The following DHX34 variants were observed in gnomAD, a reference collection of about 807,000 sequenced individuals.
DHX34 encodes DExH-box helicase 34.
DHX34 carries 96 observed loss-of-function variants against 111.1 expected under a neutral mutation model. That is an observed-to-expected ratio of 0.86 (90% CI 0.73 to 1.02). The LOEUF (loss-of-function observed/expected upper bound fraction) is 1.02, where lower values mean the gene tolerates loss of function less well. Ranked by LOEUF, DHX34 falls within the 50% of genes least tolerant of loss-of-function variation. The probability of loss-of-function intolerance (pLI) is 0.00; values close to 1 mark genes in which losing one functional copy is unlikely to be tolerated. For synonymous variants in DHX34, 688 were observed against 670.4 expected, an observed-to-expected ratio of 1.03 and a Z score of -0.41; for missense variants, 1,560 against 1,579.9, an observed-to-expected ratio of 0.99 and a Z score of 0.21.
intron 7 of DHX34, among the ~76,000 whole-genome samples, chr19:47,369,667 A>C (rs929276958): frequency 4.6e-5 from 7 of 152,146 alleles, no homozygotes; most frequent in Admixed American, 2.0e-4. Flanking sequence ...GAGCAGTGTT[A>C]ATTGGCTGTC....
chr19:47,380,941 C>T lies in DHX34; in HGVS notation c.3108C>T (p.Pro1036=), dbSNP rs755393982. 1.9e-6 allele frequency: 3 copies of T among 1,606,792 alleles called. No individual in the cohort carries two copies. The highest frequency in any genetic ancestry group is 2.2e-5 in the South Asian group (2 of 90,258). Residue 1036 remains proline, a synonymous_variant, in exon 15 of 17, where the codon CCC becomes CCT. Coordinates refer to ENST00000328771, the MANE Select transcript of DHX34 (RefSeq NM_014681.6). ...LFGSSTLSPH[P]TKGGYAVTDF... ...GCAGCTCCACCCTGTCCCCCCACCC[C>T]ACAAAGGGGGGCTACGCAGTCACTG...
intron 7 of DHX34, among the ~76,000 whole-genome samples, chr19:47,368,639 TAC>T (rs533434183): frequency 0.024 from 3,444 of 145,344 alleles, 85 homozygotes; most frequent in Admixed American, 0.079. Flanking sequence ...TGTATATATA[TAC>T]ACACACACAC....
At chr19:47,381,766 T>G (rs565445714) in intron 16 of DHX34, 5 of 801,382 alleles carry the variant, frequency 6.2e-6, no homozygotes, top group East Asian at 1.3e-4. Context: ...TCTCTCCTTG[T>G]GTCTTTCTCT....
chr19:47,369,659 G>A (rs1392614757), intron 7 of DHX34, among the ~76,000 whole-genome samples: 1 of 152,296 alleles, frequency 6.6e-6, no homozygotes, highest in Non-Finnish European at 1.5e-5. Context: ...GGGGCTGGGA[G>A]CAGTGTTAAT....
At chr19:47,365,258 T>G (rs1214072428) in intron 6 of DHX34, among the ~76,000 whole-genome samples, 1 of 151,662 alleles carries the variant, frequency 6.6e-6, no homozygotes, top group African/African-American at 2.4e-5. Flanking sequence ...ATTTATTTAT[T>G]TATTTATTTT....
intron 3 of DHX34, 24 bp from the exon 4 acceptor site, chr19:47,357,841 TC>T (rs769046890): frequency 1.9e-6 from 3 of 1,601,208 alleles, no homozygotes; most frequent in Non-Finnish European, 1.7e-6. Context: ...AGGGTGTGCT[TC>T]TACCTGGGGC....
rs1970169075 is a variant in DHX34, at chr19:47,376,557, C to CG, written c.2597dup (p.Asp867ArgfsTer42). 1 of 1,558,108 alleles carries CG rather than the reference C, an allele frequency of 6.4e-7. No individual in the cohort carries two copies. Among genetic ancestry groups the CG allele is most frequent in the Non-Finnish European group, 8.7e-7 (1 of 1,151,802 alleles). ...GGAGGCCAGCAACTGCGACGGAAGC[C>CG]GAGGTACAGTGAGCCCAGGCGGAAG... On this transcript the variant is annotated frameshift_variant, in exon 12 of 17. Transcript: ENST00000328771. LOFTEE classifies it high-confidence loss of function.
At chr19:47,375,302 G>GCT (rs1030371347) in intron 9 of DHX34, 164 bp from the exon 10 acceptor site, 34 of 985,342 alleles carry the variant, frequency 3.5e-5, no homozygotes, top group Non-Finnish European at 3.9e-5. Flanking sequence ...AGCGAGGACA[G>GCT]CTCTCTCTCT....
chr19:47,373,776 C>T, intron 9 of DHX34, 76 bp downstream of exon 9: 1 of 1,529,004 alleles, frequency 6.5e-7, no homozygotes, highest in Non-Finnish European at 8.8e-7. Flanking sequence ...ACACTGCTTC[C>T]CCTTCCCAGA....
intron 13 of DHX34, among the ~76,000 whole-genome samples, chr19:47,378,458 G>A (rs1175049658): frequency 2.0e-5 from 3 of 152,172 alleles, no homozygotes; most frequent in African/African-American, 7.2e-5. Context: ...CGCAGGCCGA[G>A]GGACAGAGGA....
chr19:47,358,617 A>T (rs773670320), intron 4 of DHX34, among the ~76,000 whole-genome samples: 1 of 146,288 alleles, frequency 6.8e-6, no homozygotes, highest in Non-Finnish European at 1.5e-5. Flanking sequence ...AACTCCATTA[A>T]TTTTTTTTTC....
intron 1 of DHX34, among the ~76,000 whole-genome samples, chr19:47,351,974 G>T (rs1041489851): frequency 6.6e-6 from 1 of 152,176 alleles, no homozygotes; most frequent in African/African-American, 2.4e-5. Context: ...GCAAAATTTT[G>T]CCTTTTATCT....
Position 47,375,561 on chromosome 19 carries a change from C to T in DHX34, c.2160C>T (p.Ala720=), listed in dbSNP as rs1441622199. Residue 720 remains alanine, a synonymous_variant, in exon 10 of 17, where the codon GCC becomes GCT. Coordinates refer to ENST00000328771, the MANE Select transcript of DHX34 (RefSeq NM_014681.6). ...SRLQQRRERR[A]LHQLKRQHEE... ...TGCAGCAGCGCCGGGAGCGCCGGGC[C>T]CTGCACCAGCTGAAACGCCAGCACG... 4 of 1,548,584 alleles carry T rather than the reference C, an allele frequency of 2.6e-6. No individual in the cohort carries two copies. The highest frequency in any genetic ancestry group is 3.5e-6 in the Non-Finnish European group (4 of 1,151,554).
In DHX34 at chr19:47,380,979, A is replaced by G. The variant is rs199815627; in HGVS notation, c.3146A>G (p.Tyr1049Cys). ...TACGCAGTCACTGACTTCCTCACCT[A>G]CAACTGCCTCACGGTAAGCATGAAC... ...GGYAVTDFLT[Y>C]NCLTNDTDLY... The change falls in exon 15 of 17, where the codon TAC (tyrosine) becomes TGC (cysteine). Residue 1049 changes from tyrosine (Y) to cysteine (C), a missense_variant. Transcript: ENST00000328771. 1 of 1,580,982 alleles carries G rather than the reference A, an allele frequency of 6.3e-7. No individual in the cohort carries two copies.
Position 47,353,780 on chromosome 19 carries a change from G to T in DHX34, c.705+45G>T. On this transcript the variant is annotated intron_variant, in intron 2 of 16. Coordinates refer to ENST00000328771, the MANE Select transcript of DHX34 (RefSeq NM_014681.6). The surrounding 1 kb of genome is among the most constrained non-coding windows in gnomAD (Gnocchi z 4.6). ...TTTCCGATTTTTCCAGCGTGACCTT[G>T]GGGGAATAGGTTGCTTGTCCATATG... 1 of 1,469,890 alleles carries T rather than the reference G, an allele frequency of 6.8e-7. No individual in the cohort carries two copies. 91.1% of individuals were successfully genotyped at this position (1,469,890 alleles called of 1,614,324 possible). A position where few individuals can be genotyped will look rare whatever the true frequency, so the allele number is the denominator to read the frequency against.
In DHX34 at chr19:47,367,118, G is replaced by A. The variant is rs762494736; in HGVS notation, c.1731G>A (p.Gly577=). ...LDSSEALTPI[G]SLLAQLPVDV... The stretch of plus-strand genomic sequence containing the variant: ...GCTCAGAGGCCCTCACACCCATTGG[G>A]TCCCTGCTAGCCCAGCTGCCTGTGG... The change falls in exon 7 of 17, where the codon GGG becomes GGA. Residue 577 remains glycine, a synonymous_variant. Transcript: ENST00000328771. 1.4e-5 allele frequency: 22 copies of A among 1,586,310 alleles called. No individual in the cohort carries two copies. In the East Asian group the frequency reaches 2.4e-4, roughly 17 times the overall value.
intron 13 of DHX34, 80 bp from the exon 14 acceptor site, chr19:47,379,630 A>C: frequency 6.6e-7 from 1 of 1,511,772 alleles, no homozygotes; most frequent in Non-Finnish European, 8.9e-7. Context: ...GGTGGGCAGG[A>C]GCCCAGCCGG....
In DHX34 at chr19:47,375,483, C is replaced by A; in HGVS notation, c.2082C>A (p.His694Gln). The part of the protein sequence containing the change: ...RRQFKELLED[H>Q]GLLAGAQAAQ... The stretch of plus-strand genomic sequence containing the variant: ...GCCCCTAGGAGCTGTTGGAGGACCA[C>A]GGGCTGCTGGCTGGGGCCCAGGCCG... Residue 694 changes from histidine to glutamine, a missense_variant, in exon 10 of 17, where the codon CAC becomes CAA. Coordinates refer to ENST00000328771, the MANE Select transcript of DHX34 (RefSeq NM_014681.6). 2 of 1,581,250 alleles carry A rather than the reference C, an allele frequency of 1.3e-6. No homozygotes were observed. The highest frequency in any genetic ancestry group is 8.5e-7 in the Non-Finnish European group (1 of 1,170,516).
chr19:47,377,299 CCACCTGGCACCTGGGCTG>C (rs1970199632), intron 13 of DHX34, 93 bp downstream of exon 13: 1 of 1,324,478 alleles, frequency 7.6e-7, no homozygotes, highest in Non-Finnish European at 1.0e-6. Context: ...CTTGGAGGGG[CCACCTGGCACCTGGGCTG>C]GCCGCAGGCG....
Sources: gnomAD v4.1 joint callset for allele counts (sites outside exome capture counted in the v4.1 genomes callset) on GRCh38, gnomAD v4.1.1 for gene constraint, Gnocchi (gnomAD v3.1) non-coding constraint, MANE v1.5 for transcripts, NCBI Gene and HGNC (gene_info 2026-07-23, HGNC 2026-07-21) for gene names.